Variants in CUL9 observed in about 807,000 individuals in gnomAD.
The protein encoded by CUL9 is cullin 9.
CUL9 carries 79 observed loss-of-function variants against 272.6 expected under a neutral mutation model. The observed-to-expected ratio is 0.29, with a 90% CI of 0.24 to 0.35. The LOEUF is 0.35. Ranked by LOEUF, CUL9 falls within the 10% of genes least tolerant of loss-of-function variation. CUL9 has a pLI of 1.00. For synonymous variants in CUL9, 1,186 were observed against 1,286.5 expected (o/e 0.92, Z 1.67); for missense variants, 2,532 against 3,255.6 (o/e 0.78, Z 5.41).
Position 43,220,350 on chromosome 6 carries a change from G to T in CUL9, c.6283-109G>T. The T allele has an allele frequency of 1.6e-6, 2 of 1,279,440 alleles. No homozygotes were observed. The highest frequency in any genetic ancestry group is 1.4e-5 in the South Asian group (1 of 73,290). 79.3% of individuals were successfully genotyped at this position (1,279,440 alleles called of 1,614,324 possible). A position where few individuals can be genotyped will look rare whatever the true frequency, so the allele number is the denominator to read the frequency against. On this transcript the variant is annotated intron_variant, in intron 31 of 40. Coordinates refer to ENST00000252050, the MANE Select transcript of CUL9 (RefSeq NM_015089.4). The surrounding 1 kb of genome is among the most constrained non-coding windows in gnomAD (Gnocchi z 4.9). The stretch of plus-strand genomic sequence containing the variant: ...GGCAGGCTTGTTTCTGGCCTTCCAC[G>T]TTGTAGTGGAGGGGAAGGGAAGGAG...
chr6:43,183,779 AT>A, intron 1 of CUL9, among the ~76,000 whole-genome samples: 1 of 147,708 alleles, frequency 6.8e-6, no homozygotes, highest in East Asian at 2.0e-4. Flanking sequence ...TTTTGACAGA[AT>A]CTCACTCTGT....
At chr6:43,202,604 A>T in intron 16 of CUL9, 112 bp from the exon 17 acceptor site, 2 of 851,584 alleles carry the variant, frequency 2.3e-6, no homozygotes, top group Non-Finnish European at 4.0e-6. Context: ...GGTTGATCTT[A>T]AACTAGCCTC....
At position 43,198,746 on chromosome 6, in the gene CUL9, G is replaced by A. The variant is rs374241248; in HGVS notation, c.2941G>A (p.Val981Met). 11 of 1,613,978 alleles carry A rather than the reference G, an allele frequency of 6.8e-6. No homozygotes were observed. The highest frequency in any genetic ancestry group is 1.6e-4 in the Middle Eastern group (1 of 6,076). Residue 981 changes from valine to methionine, a missense_variant, in exon 12 of 41, where the codon GTG becomes ATG. This residue lies in a region of CUL9 where 2,218 missense variants were observed against 2,788.6 expected (regional missense o/e 0.80). Coordinates refer to ENST00000252050, the MANE Select transcript of CUL9 (RefSeq NM_015089.4). ...CCGTGAGGGCAGCCCCGGAGGTGCC[G>A]TGAGGCCCCTCCTCAAGCGCCTCCA... ...LCREGSPGGA[V>M]RPLLKRLQQE...
Position 43,203,258 on chromosome 6 carries a change from C to G in CUL9, c.3849+54C>G. The G allele has an allele frequency of 8.1e-6, 13 of 1,606,956 alleles. No homozygotes were observed. The highest frequency in any genetic ancestry group is 1.0e-5 in the Non-Finnish European group (12 of 1,173,692). On this transcript the variant is annotated intron_variant, in intron 18 of 40. Coordinates refer to ENST00000252050, the MANE Select transcript of CUL9 (RefSeq NM_015089.4). The surrounding 1 kb of genome is among the most constrained non-coding windows in gnomAD (Gnocchi z 5.0). ...GGAGGAGGAGGTGGCACACAAGTTT[C>G]TCCTTGATCTGCTTGGGAGATGGCC...
At chr6:43,194,535 G>A (rs1416073769) in intron 9 of CUL9, among the ~76,000 whole-genome samples, 1 of 151,010 alleles carries the variant, frequency 6.6e-6, no homozygotes, top group African/African-American at 2.4e-5. Context: ...TTGCCAGGAT[G>A]GTCTCAATCT....
In CUL9 at chr6:43,203,453, C is replaced by G. The variant is rs1190713262; in HGVS notation, c.3886C>G (p.Leu1296Val). Residue 1296 changes from leucine to valine, a missense_variant, in exon 19 of 41, where the codon CTG (leucine) becomes GTG (valine). By Grantham distance (32) the Leu-to-Val change is conservative (BLOSUM62 1). Transcript: ENST00000252050. This position sits in a 1 kb window ranked among gnomAD's most constrained non-coding sequence, Gnocchi z 5.0. The part of the protein sequence containing the change: ...IDTRVRGVEV[L>V]GPKPTFWPLF... ...CACCCGGGTTCGGGGTGTGGAGGTC[C>G]TGGGCCCTAAGCCCACATTCTGGCC... is the stretch of plus-strand genomic sequence containing the variant. 6.2e-7 allele frequency: 1 copy of G among 1,614,162 alleles called. No individual in the cohort carries two copies. The highest frequency in any genetic ancestry group is 8.5e-7 in the Non-Finnish European group (1 of 1,180,036).
rs41274936 is a variant in CUL9, at chr6:43,222,592, C to T, written c.6983C>T (p.Ser2328Phe). The change falls in exon 37 of 41, where the codon TCC (serine) becomes TTC (phenylalanine). Residue 2328 changes from serine (S) to phenylalanine (F), a missense_variant. Ser to Phe is a radical substitution (Grantham distance 155). Around this residue, in one of 3 missense-constraint regions of CUL9, gnomAD observed 237 missense variants for 305.9 expected, o/e 0.77. Coordinates refer to ENST00000252050, the MANE Select transcript of CUL9 (RefSeq NM_015089.4). ...ATCCATGAAGTGCCCCCGCCCAGATCCTTCACCTTCCTCAATGATGCCTGC... is the reference window on the plus strand; with the variant it reads ...ATCCATGAAGTGCCCCCGCCCAGATTCTTCACCTTCCTCAATGATGCCTGC... The part of the protein sequence containing the change: ...SAIHEVPPPR[S>F]FTFLNDACQG... 6.3e-4 allele frequency: 1,013 copies of T among 1,613,268 alleles called. No homozygotes were observed. Among genetic ancestry groups the T allele is most frequent in the Non-Finnish European group, 8.3e-4 (977 of 1,180,030 alleles).
At position 43,206,045 on chromosome 6, in the gene CUL9, G is replaced by A. The variant is rs1266007640; in HGVS notation, c.4832G>A (p.Ser1611Asn). The A allele has an allele frequency of 1.9e-6, 3 of 1,614,008 alleles. No homozygotes were observed. Residue 1611 changes from serine to asparagine, a missense_variant, in exon 25 of 41, where the codon AGC becomes AAC. By Grantham distance (46) the Ser-to-Asn change is conservative (BLOSUM62 1). Around this residue, in one of 3 missense-constraint regions of CUL9, gnomAD observed 2,218 missense variants for 2,788.6 expected, o/e 0.80. Coordinates refer to ENST00000252050, the MANE Select transcript of CUL9 (RefSeq NM_015089.4). This position sits in a 1 kb window ranked among gnomAD's most constrained non-coding sequence, Gnocchi z 4.8. ...GACCGTCTCCTGAGCTTTGGTTCGA[G>A]CTGGCTGGAGGGGGCTGTGCTAGAG... ...MADRLLSFGS[S>N]WLEGAVLEQI...
At position 43,187,310 on chromosome 6, in the gene CUL9, A is replaced by T. The variant is rs777065100; in HGVS notation, c.1452A>T (p.Glu484Asp). The T allele has an allele frequency of 6.2e-7, 1 of 1,614,102 alleles. No homozygotes were observed. The highest frequency in any genetic ancestry group is 1.1e-5 in the South Asian group (1 of 91,082). The change falls in exon 6 of 41, where the codon GAA becomes GAT. Residue 484 changes from glutamate to aspartate, a missense_variant. Coordinates refer to ENST00000252050, the MANE Select transcript of CUL9 (RefSeq NM_015089.4). ...GLYPLPYLQPEPQKNERVGYL... is the reference protein window; with the variant it reads ...GLYPLPYLQPDPQKNERVGYL... ...ACCCTTTGCCGTACCTCCAGCCCGA[A>T]CCTCAGAAGAATGAGAGAGTGGGAT... is the stretch of plus-strand genomic sequence containing the variant.
intron 10 of CUL9, 32 bp from the exon 11 acceptor site, chr6:43,196,613 C>T: frequency 6.4e-7 from 1 of 1,563,194 alleles, no homozygotes; most frequent in East Asian, 2.2e-5. Flanking sequence ...CATGGTCTCT[C>T]AGTTTCTTCC....
intron 8 of CUL9, among the ~76,000 whole-genome samples, chr6:43,192,032 A>T (rs1401906331): frequency 6.7e-6 from 1 of 149,628 alleles, no homozygotes; most frequent in Non-Finnish European, 1.5e-5. Flanking sequence ...ATATTTTGAT[A>T]ATAATAGGCA....
chr6:43,196,401 A>G (rs578113727), intron 10 of CUL9, 136 bp downstream of exon 10: 125 of 944,354 alleles, frequency 1.3e-4, no homozygotes, highest in South Asian at 1.3e-3. Flanking sequence ...GGCGCTGCCA[A>G]CTGTTGTTGG....
Position 43,198,146 on chromosome 6 carries a change from C to T in CUL9, c.2804-463C>T, listed in dbSNP as rs940844940. 1.6e-5 allele frequency: 6 copies of T among 365,232 alleles called. No homozygotes were observed. The East Asian group carries it at 8.3e-4, about 51-fold the overall frequency. 22.6% of individuals were successfully genotyped at this position (365,232 alleles called of 1,614,324 possible). A position where few individuals can be genotyped will look rare whatever the true frequency, so the allele number is the denominator to read the frequency against. On this transcript the variant is annotated intron_variant, in intron 11 of 40. Coordinates refer to ENST00000252050, the MANE Select transcript of CUL9 (RefSeq NM_015089.4). Reference sequence around the variant, plus strand: ...ATCCCAGCTACTTGGGAGGCTGAGGCAGGAGAATCACTTGAGCCCAGGAGT... The same window carrying T: ...ATCCCAGCTACTTGGGAGGCTGAGGTAGGAGAATCACTTGAGCCCAGGAGT...
rs1405201417 is a variant in CUL9, at chr6:43,200,627, T to C, written c.3476-36T>C. 6.2e-7 allele frequency: 1 copy of C among 1,614,044 alleles called. No individual in the cohort carries two copies. ...TTTTCCTTTTTCCTCTCAACTAACC[T>C]AGCTGTGACTGCCACCCCTTCCCAC... On this transcript the variant is annotated intron_variant, in intron 15 of 40. Coordinates refer to ENST00000252050, the MANE Select transcript of CUL9 (RefSeq NM_015089.4). This position sits in a 1 kb window ranked among gnomAD's most constrained non-coding sequence, Gnocchi z 4.0.
At chr6:43,182,315 C>G (rs1488883818) in intron 1 of CUL9, 66 bp downstream of exon 1, 1 of 152,356 alleles carries the variant, frequency 6.6e-6, no homozygotes, top group Non-Finnish European at 1.5e-5. Flanking sequence ...GGTCCTTTAG[C>G]CACTGTCCAT....
In CUL9 at chr6:43,203,509, A is replaced by G. The variant is rs370369838; in HGVS notation, c.3942A>G (p.Thr1314=). ...TCCGGGAGCAGCTGTGTCGCCGAAC[A>G]TGTCTCTTCTACACAATTCGGGCAC... The part of the protein sequence containing the change: ...PLFREQLCRR[T]CLFYTIRAQA... The change falls in exon 19 of 41, where the codon ACA becomes ACG. Residue 1314 remains threonine (T), a synonymous_variant. Transcript: ENST00000252050. The surrounding 1 kb of genome is among the most constrained non-coding windows in gnomAD (Gnocchi z 5.0). The G allele has an allele frequency of 3.7e-6, 6 of 1,614,020 alleles. No homozygotes were observed. In the African/African-American group the frequency reaches 6.7e-5, roughly 18 times the overall value.
intron 24 of CUL9, 111 bp downstream of exon 24, chr6:43,205,534 G>A: frequency 7.8e-7 from 1 of 1,284,602 alleles, no homozygotes; most frequent in Non-Finnish European, 1.1e-6. Context: ...GAGAGATTAA[G>A]ATGTGGAGAT....
Position 43,206,154 on chromosome 6 carries a change from C to A in CUL9, c.4941C>A (p.Phe1647Leu), listed in dbSNP as rs752125853. 1 of 1,614,048 alleles carries A rather than the reference C, an allele frequency of 6.2e-7. No individual in the cohort carries two copies. Among genetic ancestry groups the A allele is most frequent in the East Asian group, 2.2e-5 (1 of 44,874 alleles). Residue 1647 changes from phenylalanine to leucine, a missense_variant, in exon 25 of 41, where the codon TTC (phenylalanine) becomes TTA (leucine). Around this residue, in one of 3 missense-constraint regions of CUL9, gnomAD observed 2,218 missense variants for 2,788.6 expected, o/e 0.80. Coordinates refer to ENST00000252050, the MANE Select transcript of CUL9 (RefSeq NM_015089.4). This position sits in a 1 kb window ranked among gnomAD's most constrained non-coding sequence, Gnocchi z 4.8. The stretch of plus-strand genomic sequence containing the variant: ...CCTCTGAGGAGCTGCAGCGCCAGTT[C>A]CACCTCTTCCAGCTCCAGCGGCTCG... ...LSTSEELQRQ[F>L]HLFQLQRLDK...
chr6:43,186,175 G>A lies in CUL9; in HGVS notation c.971G>A (p.Ser324Asn), dbSNP rs1012030423. ...AGCATGGGCTGGGCCCGGAACCTCAGCGAACAGGGCATGTCACCTCCCCGG... is the reference window on the plus strand; with the variant it reads ...AGCATGGGCTGGGCCCGGAACCTCAACGAACAGGGCATGTCACCTCCCCGG... ...VRSMGWARNL[S>N]EQGMSPPRPT... Residue 324 changes from serine to asparagine, a missense_variant, in exon 4 of 41, where the codon AGC (serine) becomes AAC (asparagine). Physicochemically the swap from Ser to Asn is conservative, Grantham distance 46. Transcript: ENST00000252050. 6.2e-7 allele frequency: 1 copy of A among 1,614,224 alleles called. No homozygotes were observed.
Sources: gnomAD v4.1 joint callset for allele counts (sites outside exome capture counted in the v4.1 genomes callset) on GRCh38, gnomAD v4.1.1 for gene constraint, gnomAD v4.1.1 regional missense constraint, Gnocchi (gnomAD v3.1) non-coding constraint, MANE v1.5 for transcripts, NCBI Gene and HGNC (gene_info 2026-07-23, HGNC 2026-07-21) for gene names.